EPHA6: variants seen among roughly 807,000 people sequenced by gnomAD.
The protein encoded by EPHA6 is EPH receptor A6.
In EPHA6, 50 loss-of-function variants were observed where a neutral mutation model predicts 112.0. The observed-to-expected ratio is 0.45, with a 90% CI of 0.36 to 0.56. The LOEUF (loss-of-function observed/expected upper bound fraction) is 0.56, where lower values mean the gene tolerates loss of function less well. EPHA6 is among the 20% of genes least tolerant of loss of function. The pLI is 0.00. For synonymous variants in EPHA6, 529 were observed against 490.7 expected (o/e 1.08, Z -1.03); for missense variants, 1,280 against 1,417.4 (o/e 0.90, Z 1.56).
rs114170874 is a variant in EPHA6, at chr3:97,464,530, A to G, written c.1895-10822A>G. ...GTAAAAATAAAACCTCTCCATGTTT[A>G]TGCTAAAATGGGCTGCAGGCAAAGC... On this transcript the variant is annotated intron_variant, in intron 7 of 17. Transcript: ENST00000389672. Among the ~76,000 whole-genome samples, 1,355 of 152,230 alleles carry G rather than the reference A, an allele frequency of 8.9e-3. 21 individuals are homozygous for G. Among genetic ancestry groups the G allele is most frequent in the African/African-American group, 0.031 (1,291 of 41,544 alleles).
intron 5 of EPHA6, among the ~76,000 whole-genome samples, chr3:97,261,762 A>G (rs145107832): frequency 2.0e-5 from 3 of 152,324 alleles, no homozygotes; most frequent in African/African-American, 7.2e-5. Flanking sequence ...TCATTGTCAG[A>G]TGCGCTTCCA....
intron 10 of EPHA6, among the ~76,000 whole-genome samples, chr3:97,485,233 T>G (rs1478156237): frequency 1.3e-5 from 2 of 152,200 alleles, no homozygotes; most frequent in African/African-American, 2.4e-5. Flanking sequence ...TTCAAAGTCC[T>G]TTTTCCTCCA....
At chr3:97,641,172 T>C (rs145901620) in intron 14 of EPHA6, among the ~76,000 whole-genome samples, 52 of 152,300 alleles carry the variant, frequency 3.4e-4, no homozygotes, top group Middle Eastern at 3.4e-3. Flanking sequence ...AGATATTCTA[T>C]TATAACAAAA....
chr3:97,662,659 T>C (rs960464760), intron 14 of EPHA6, among the ~76,000 whole-genome samples: 4 of 152,176 alleles, frequency 2.6e-5, no homozygotes, highest in Admixed American at 6.5e-5. Context: ...TAAAATAATC[T>C]TTAGGGAATA....
chr3:97,144,620 T>G (rs1295601367), intron 3 of EPHA6, among the ~76,000 whole-genome samples: 2 of 151,482 alleles, frequency 1.3e-5, no homozygotes, highest in African/African-American at 4.8e-5. Context: ...TGCTGGGAAA[T>G]AAAATGTACA....
intron 5 of EPHA6, among the ~76,000 whole-genome samples, chr3:97,379,751 C>CAAAA (rs71623570): frequency 2.3e-4 from 7 of 30,548 alleles, no homozygotes; most frequent in Non-Finnish European, 5.9e-4. Context: ...TCTGTCTCCC[C>CAAAA]AAAAAAAAAA....
intron 4 of EPHA6, among the ~76,000 whole-genome samples, chr3:97,233,879 G>A (rs2078605513): frequency 6.6e-6 from 1 of 152,102 alleles, no homozygotes; most frequent in South Asian, 2.1e-4. Flanking sequence ...GCCAGTAAAT[G>A]GCCTAGTAGG....
chr3:97,553,650 C>T (rs2093062188), intron 11 of EPHA6, among the ~76,000 whole-genome samples: 1 of 152,080 alleles, frequency 6.6e-6, no homozygotes, highest in Non-Finnish European at 1.5e-5. Context: ...ATCCAATCAC[C>T]TCCCATCAGG....
At chr3:97,451,682 T>C (rs1214361053) in intron 7 of EPHA6, among the ~76,000 whole-genome samples, 1 of 151,270 alleles carries the variant, frequency 6.6e-6, no homozygotes, top group East Asian at 1.9e-4. Context: ...AATAATGCCA[T>C]AGTAGCATAT....
In EPHA6 at chr3:97,248,633, A is replaced by G. The variant is rs115716477; in HGVS notation, c.1606+4346A>G. ...GAAGCAAGTTGTCCAATTCATTGGT[A>G]TCTTAAAAAATACACTCAGCACTCC... is the stretch of plus-strand genomic sequence containing the variant. On this transcript the variant is annotated intron_variant, in intron 5 of 17. Transcript: ENST00000389672. Among the ~76,000 whole-genome samples the G allele has an allele frequency of 3.2e-3, 481 of 152,218 alleles. 3 individuals carry two copies. Among genetic ancestry groups the G allele is most frequent in the African/African-American group, 0.011 (438 of 41,564 alleles).
intron 5 of EPHA6, among the ~76,000 whole-genome samples, chr3:97,393,973 T>G (rs552386417): frequency 6.6e-6 from 1 of 151,978 alleles, no homozygotes; most frequent in African/African-American, 2.4e-5. Context: ...ATTCATTTAT[T>G]GATGGACAGT....
intron 6 of EPHA6, among the ~76,000 whole-genome samples, chr3:97,429,017 T>C (rs1380291329): frequency 1.3e-5 from 2 of 152,160 alleles, no homozygotes; most frequent in African/African-American, 4.8e-5. Context: ...TGGACAGGTG[T>C]TTCTTTTCAT....
chr3:96,891,793 GA>G (rs1480668620), intron 2 of EPHA6, among the ~76,000 whole-genome samples: 1 of 152,162 alleles, frequency 6.6e-6, no homozygotes, highest in African/African-American at 2.4e-5. Context: ...TTCCATTTGA[GA>G]AAAATTTATC....
chr3:96,994,537 T>C (rs1047814121), intron 3 of EPHA6, among the ~76,000 whole-genome samples: 1 of 151,864 alleles, frequency 6.6e-6, no homozygotes, highest in African/African-American at 2.4e-5. Flanking sequence ...TGAATGCAAT[T>C]TTTGTTTAGT....
At chr3:97,013,464 G>T (rs2044160146) in intron 3 of EPHA6, among the ~76,000 whole-genome samples, 1 of 151,868 alleles carries the variant, frequency 6.6e-6, no homozygotes, top group African/African-American at 2.4e-5. Context: ...TGTTTATTAA[G>T]GTGTGATGGA....
At position 97,685,224 on chromosome 3, in the gene EPHA6, C is replaced by A. The variant is rs755164245; in HGVS notation, c.2785-35037C>A. Among the ~76,000 whole-genome samples the A allele has an allele frequency of 6.2e-4, 95 of 152,148 alleles. 3 individuals carry two copies. The highest frequency in any genetic ancestry group is 3.4e-4 in the Non-Finnish European group (23 of 67,998). On this transcript the variant is annotated intron_variant, in intron 14 of 17. Coordinates refer to ENST00000389672, the MANE Select transcript of EPHA6 (RefSeq NM_001080448.3). ...TGTTATAGAAAATGATATTATAAAA[C>A]TGTTGTCAAATGAACAGGTGAGCAA...
intron 3 of EPHA6, among the ~76,000 whole-genome samples, chr3:97,030,956 CAA>C (rs1326137848): frequency 1.3e-5 from 2 of 151,778 alleles, no homozygotes; most frequent in Non-Finnish European, 2.9e-5. Context: ...AATTTAAATT[CAA>C]AGAGTTAAAG....
At chr3:97,054,459 C>G (rs1679441720) in intron 3 of EPHA6, among the ~76,000 whole-genome samples, 1 of 152,038 alleles carries the variant, frequency 6.6e-6, no homozygotes, top group African/African-American at 2.4e-5. Context: ...GGGCATTCCT[C>G]TACTACTCCC....
intron 2 of EPHA6, among the ~76,000 whole-genome samples, chr3:96,927,067 G>T (rs1467840909): frequency 6.6e-6 from 1 of 152,214 alleles, no homozygotes; most frequent in African/African-American, 2.4e-5. Context: ...CTGAAATGCA[G>T]GCAGAGGTTC....
Sources: gnomAD v4.1 joint callset for allele counts (sites outside exome capture counted in the v4.1 genomes callset) on GRCh38, gnomAD v4.1.1 for gene constraint, MANE v1.5 for transcripts, NCBI Gene and HGNC (gene_info 2026-07-23, HGNC 2026-07-21) for gene names.